The following ST7 variants were observed in gnomAD, a reference collection of about 807,000 sequenced individuals.
ST7 encodes the protein suppressor of tumorigenicity 7 protein.
ST7 carries 28 observed loss-of-function variants against 78.7 expected under a neutral mutation model. That is an observed-to-expected ratio of 0.36 (90% CI 0.26 to 0.49). The LOEUF (loss-of-function observed/expected upper bound fraction) is 0.49, where lower values mean the gene tolerates loss of function less well. Ranked by LOEUF, ST7 falls within the 20% of genes least tolerant of loss-of-function variation. The pLI, the probability that ST7 is intolerant of heterozygous loss-of-function variation, is 0.99. For synonymous variants in ST7, 247 were observed against 249.6 expected (o/e 0.99, Z 0.10); for missense variants, 418 against 696.0 (o/e 0.60, Z 4.49).
intron 1 of ST7, among the ~76,000 whole-genome samples, chr7:117,042,308 T>C (rs944368699): frequency 6.6e-6 from 1 of 152,262 alleles, no homozygotes; most frequent in East Asian, 1.9e-4. Context: ...TAGGCTATTT[T>C]CAGTTTGGGC....
Position 117,170,880 on chromosome 7 carries a change from C to T in ST7, c.982C>T (p.Leu328Phe), listed in dbSNP as rs1278794883. The T allele has an allele frequency of 6.2e-7, 1 of 1,602,060 alleles. No individual in the cohort carries two copies. The highest frequency in any genetic ancestry group is 8.5e-7 in the Non-Finnish European group (1 of 1,173,730). Residue 328 changes from leucine to phenylalanine, a missense_variant, in exon 10 of 16, where the codon CTT (leucine) becomes TTT (phenylalanine). This residue lies in a region of ST7 where 288 missense variants were observed against 537.1 expected (regional missense o/e 0.54). Coordinates refer to ENST00000323984, the MANE Select transcript of ST7 (RefSeq NM_001369598.1). ...MMRDLMKEFP[L>F]LSMFNIHENL... ...GCCCTAGTTAATGAAGGAGTTCCCC[C>T]TTCTGAGTATGTTCAATATCCATGA...
chr7:116,985,665 A>G (rs571276861), intron 1 of ST7, among the ~76,000 whole-genome samples: 90 of 152,336 alleles, frequency 5.9e-4, no homozygotes, highest in African/African-American at 2.2e-3. Flanking sequence ...GTTAGCTGGT[A>G]TAATAGAGAT....
intron 9 of ST7, among the ~76,000 whole-genome samples, chr7:117,155,864 C>T (rs1806650123): frequency 6.6e-6 from 1 of 152,240 alleles, no homozygotes; most frequent in African/African-American, 2.4e-5. Flanking sequence ...TCCAGCCATG[C>T]TGGCCTTCTT....
intron 9 of ST7, among the ~76,000 whole-genome samples, chr7:117,167,365 C>T (rs1807647773): frequency 6.6e-6 from 1 of 151,352 alleles, no homozygotes; most frequent in Non-Finnish European, 1.5e-5. Flanking sequence ...TATCAACTCT[C>T]GGGGGTTGCA....
At chr7:117,038,061 A>G (rs992869531) in intron 1 of ST7, among the ~76,000 whole-genome samples, 5 of 152,216 alleles carry the variant, frequency 3.3e-5, no homozygotes, top group Non-Finnish European at 7.4e-5. Context: ...AACTTTTTAA[A>G]GAATAATTTT....
rs1486815704 is a variant in ST7 at position 117,108,433 on chromosome 7, C to T, written c.234+8589C>T. The stretch of plus-strand genomic sequence containing the variant: ...TGGCTTTATTTCTGGGTTCTTCATT[C>T]TGTTTCATAGGTCTATATGCCTGTT... On this transcript the variant is annotated intron_variant, in intron 2 of 15. Transcript: ENST00000323984. 2.0e-5 allele frequency among the ~76,000 whole-genome samples: 3 copies of T among 152,120 alleles called. No individual in the cohort carries two copies. In the East Asian group the frequency reaches 5.8e-4, roughly 29 times the overall value.
chr7:117,227,353 A>G (rs532612741), intron 15 of ST7, among the ~76,000 whole-genome samples: 39 of 152,310 alleles, frequency 2.6e-4, no homozygotes, highest in African/African-American at 8.9e-4. Context: ...TTTTTGGCCA[A>G]GTCTTCAGGA....
intron 1 of ST7, chr7:116,967,523 G>A: frequency 5.2e-6 from 2 of 387,184 alleles, no homozygotes; most frequent in South Asian, 3.8e-5. Flanking sequence ...TGCTAATTGT[G>A]TCCAGCCTTT....
chr7:117,202,994 A>G (rs1375645788), intron 12 of ST7, among the ~76,000 whole-genome samples: 2 of 152,204 alleles, frequency 1.3e-5, no homozygotes, highest in Non-Finnish European at 2.9e-5. Context: ...GCAAAAAATC[A>G]GCTCTCTGTA....
chr7:117,204,942 C>T (rs1262804708), intron 12 of ST7, among the ~76,000 whole-genome samples: 1 of 152,040 alleles, frequency 6.6e-6, no homozygotes, highest in Non-Finnish European at 1.5e-5. Flanking sequence ...TGGCATATGC[C>T]TTATAGTCCC....
chr7:117,218,356 G>A (rs1250827338), intron 13 of ST7, among the ~76,000 whole-genome samples: 2 of 152,158 alleles, frequency 1.3e-5, no homozygotes, highest in African/African-American at 2.4e-5. Flanking sequence ...AACAGGGAGA[G>A]TAACACACTT....
chr7:117,061,332 G>T (rs1798343725), intron 1 of ST7, among the ~76,000 whole-genome samples: 1 of 152,136 alleles, frequency 6.6e-6, no homozygotes, highest in Non-Finnish European at 1.5e-5. Flanking sequence ...GGAAGAGCAA[G>T]TCTTAAAAGA....
At chr7:116,993,884 G>T (rs969198634) in intron 1 of ST7, among the ~76,000 whole-genome samples, 8 of 152,118 alleles carry the variant, frequency 5.3e-5, no homozygotes, top group African/African-American at 1.9e-4. Flanking sequence ...ATTGTATAAG[G>T]TATTTTCAAA....
chr7:117,093,649 C>T (rs1228755926), intron 1 of ST7, among the ~76,000 whole-genome samples: 1 of 152,048 alleles, frequency 6.6e-6, no homozygotes, highest in Non-Finnish European at 1.5e-5. Flanking sequence ...TGCAGTCAGC[C>T]AAGATCGCAC....
At chr7:117,200,959 T>C (rs1210915715) in intron 12 of ST7, among the ~76,000 whole-genome samples, 1 of 152,096 alleles carries the variant, frequency 6.6e-6, no homozygotes, top group Non-Finnish European at 1.5e-5. Flanking sequence ...CAGGACATTG[T>C]TATAGTGATG....
chr7:117,188,995 T>A (rs901199385), intron 10 of ST7, among the ~76,000 whole-genome samples: 1 of 152,202 alleles, frequency 6.6e-6, no homozygotes, highest in East Asian at 1.9e-4. Context: ...ATCAAGGATA[T>A]TCATGTGATA....
intron 1 of ST7, among the ~76,000 whole-genome samples, chr7:117,008,924 C>T (rs767008055): frequency 2.2e-4 from 33 of 151,882 alleles, no homozygotes; most frequent in Non-Finnish European, 3.7e-4. Flanking sequence ...CAAAAGAATA[C>T]GTCATGATAT....
intron 1 of ST7, among the ~76,000 whole-genome samples, chr7:117,062,502 G>A (rs1209291624): frequency 3.3e-5 from 5 of 152,140 alleles, no homozygotes; most frequent in Admixed American, 1.3e-4. Flanking sequence ...TCATACTTTC[G>A]TAGTAGTCTA....
At chr7:117,046,857 C>T (rs1465340570) in intron 1 of ST7, among the ~76,000 whole-genome samples, 4 of 152,132 alleles carry the variant, frequency 2.6e-5, no homozygotes, top group Non-Finnish European at 5.9e-5. Flanking sequence ...AGTACATGGA[C>T]TTAATGGGTT....
Sources: allele counts gnomAD v4.1 joint callset (sites outside exome capture counted in the v4.1 genomes callset), GRCh38; gene constraint gnomAD v4.1.1; regional missense constraint gnomAD v4.1.1; transcripts MANE v1.5; gene names NCBI Gene and HGNC (gene_info 2026-07-23, HGNC 2026-07-21).